The following DNAJC24 variants were observed in gnomAD, a reference collection of about 807,000 sequenced individuals.
DNAJC24 encodes the protein DnaJ heat shock protein family (Hsp40) member C24, also known as dnaJ homolog subfamily C member 24.
DNAJC24 carries 17 observed loss-of-function variants against 18.0 expected under a neutral mutation model. That is an observed-to-expected ratio of 0.94 (90% CI 0.65 to 1.42). DNAJC24 has a LOEUF of 1.42. Among genes scored for constraint, DNAJC24 ranks in the 40% most tolerant of loss-of-function variants. The pLI, the probability that DNAJC24 is intolerant of heterozygous loss-of-function variation, is 0.00. For missense variants in DNAJC24, 158 were observed against 175.6 expected, an observed-to-expected ratio of 0.90 and a Z score of 0.57; for synonymous variants, 55 against 57.7, an observed-to-expected ratio of 0.95 and a Z score of 0.21.
chr11:31,408,009 G>A, intron 2 of DNAJC24: 1 of 438,806 alleles, frequency 2.3e-6, no homozygotes, highest in Non-Finnish European at 4.6e-6. Context: ...TACAAACAGT[G>A]GAATGAAGAA....
chr11:31,412,767 A>G (rs1002954117), intron 2 of DNAJC24, among the ~76,000 whole-genome samples: 1 of 152,194 alleles, frequency 6.6e-6, no homozygotes, highest in African/African-American at 2.4e-5. Context: ...ATGGAAGCCT[A>G]ATCCTCATTG....
At chr11:31,385,146 G>A (rs751875821) in intron 2 of DNAJC24, 1 of 151,882 alleles carries the variant, frequency 6.6e-6, no homozygotes, top group African/African-American at 2.4e-5. Context: ...TCTTCATATC[G>A]GGTTTTTAGA....
chr11:31,370,093 C>G (rs1051014272), intron 1 of DNAJC24, among the ~76,000 whole-genome samples, 181 bp downstream of exon 1: 33 of 152,136 alleles, frequency 2.2e-4, no homozygotes, highest in African/African-American at 7.5e-4. Flanking sequence ...TAGGGTCTCT[C>G]TTCTGGAGCG....
At chr11:31,415,122 A>G (rs1952741624) in intron 3 of DNAJC24, 173 bp downstream of exon 3, 2 of 632,926 alleles carry the variant, frequency 3.2e-6, no homozygotes, top group Admixed American at 3.8e-5. Context: ...ACTATTGTGT[A>G]TCCATTGAGA....
chr11:31,394,246 C>T (rs1027520071), intron 2 of DNAJC24, among the ~76,000 whole-genome samples: 1 of 152,124 alleles, frequency 6.6e-6, no homozygotes, highest in Non-Finnish European at 1.5e-5. Context: ...ACTAAATAGA[C>T]TGTGAAAAGG....
chr11:31,408,862 A>G (rs1057187436), intron 2 of DNAJC24, among the ~76,000 whole-genome samples: 3 of 152,212 alleles, frequency 2.0e-5, no homozygotes, highest in African/African-American at 7.2e-5. Flanking sequence ...GAGTAATAAA[A>G]TAGCACTTTA....
intron 2 of DNAJC24, among the ~76,000 whole-genome samples, chr11:31,395,550 G>T (rs760642758): frequency 9.9e-5 from 15 of 152,092 alleles, no homozygotes; most frequent in Non-Finnish European, 1.8e-4. Flanking sequence ...ACCTTTAAAT[G>T]ATAGTCATTC....
At chr11:31,428,137 ACATAT>A (rs1325290033) in intron 4 of DNAJC24, among the ~76,000 whole-genome samples, 3 of 152,100 alleles carry the variant, frequency 2.0e-5, no homozygotes, top group Non-Finnish European at 4.4e-5. Flanking sequence ...GAAAATGCTA[ACATAT>A]GGAAGGAAAT....
Position 31,432,547 on chromosome 11 carries a change from C to A in DNAJC24, c.*2146C>A, listed in dbSNP as rs772546006. 1 of 1,612,558 alleles carries A rather than the reference C, an allele frequency of 6.2e-7. No individual in the cohort carries two copies. The highest frequency in any genetic ancestry group is 8.5e-7 in the Non-Finnish European group (1 of 1,178,922). ...CCATTAGGGCTGGCACGTAAAAATC[C>A]AAAATCACTCAGAGGCCAAATCTGT... is the stretch of plus-strand genomic sequence containing the variant. On this transcript the variant is annotated 3_prime_UTR_variant, in exon 5 of 5. Transcript: ENST00000465995.
chr11:31,428,010 ATC>A (rs1325781181), intron 4 of DNAJC24: 1 of 150,840 alleles, frequency 6.6e-6, no homozygotes, highest in Non-Finnish European at 1.5e-5. Flanking sequence ...GCAAGACCAC[ATC>A]TCTACAAGAA....
intron 3 of DNAJC24, among the ~76,000 whole-genome samples, chr11:31,421,133 T>G (rs561663925): frequency 6.6e-6 from 1 of 152,300 alleles, no homozygotes; most frequent in East Asian, 1.9e-4. Context: ...AAATGTTGCC[T>G]ATTTCTCAAT....
At chr11:31,414,081 ACTT>A (rs1952733635) in intron 2 of DNAJC24, among the ~76,000 whole-genome samples, 1 of 152,194 alleles carries the variant, frequency 6.6e-6, no homozygotes, top group Non-Finnish European at 1.5e-5. Flanking sequence ...TTGGCATAAA[ACTT>A]CTGGTTTTGA....
chr11:31,376,759 C>T (rs530576795), intron 2 of DNAJC24, among the ~76,000 whole-genome samples: 1 of 152,102 alleles, frequency 6.6e-6, no homozygotes, highest in South Asian at 2.1e-4. Context: ...TTATTTTTTT[C>T]TGGATTTCCA....
At chr11:31,371,910 G>A (rs911690808) in intron 2 of DNAJC24, among the ~76,000 whole-genome samples, 4 of 132,838 alleles carry the variant, frequency 3.0e-5, no homozygotes, top group South Asian at 2.5e-4. Flanking sequence ...TGCAACCTCC[G>A]CCTCCCACTT....
At chr11:31,425,738 C>T (rs1235859062) in intron 3 of DNAJC24, among the ~76,000 whole-genome samples, 1 of 152,132 alleles carries the variant, frequency 6.6e-6, no homozygotes, top group Non-Finnish European at 1.5e-5. Context: ...TGGGTTAGGG[C>T]TTCAACATAT....
chr11:31,414,879 C>G lies in DNAJC24; in HGVS notation c.180C>G (p.Ile60Met). 6.2e-7 allele frequency: 1 copy of G among 1,613,916 alleles called. No individual in the cohort carries two copies. The highest frequency in any genetic ancestry group is 8.5e-7 in the Non-Finnish European group (1 of 1,179,958). The change falls in exon 3 of 5, where the codon ATC becomes ATG. Residue 60 changes from isoleucine (I) to methionine (M), a missense_variant. By Grantham distance (10) the Ile-to-Met change is conservative (BLOSUM62 1). Coordinates refer to ENST00000465995, the MANE Select transcript of DNAJC24 (RefSeq NM_181706.5). The stretch of plus-strand genomic sequence containing the variant: ...TGGAGGAATGTGTACAGAAGTTCAT[C>G]GAAATTGATCAAGCATGGAAAATTC... Reference protein sequence around the residue: ...GTVEECVQKFIEIDQAWKILG... With the variant: ...GTVEECVQKFMEIDQAWKILG...
At chr11:31,403,587 T>A (rs1390281594) in intron 2 of DNAJC24, among the ~76,000 whole-genome samples, 1 of 152,166 alleles carries the variant, frequency 6.6e-6, no homozygotes, top group African/African-American at 2.4e-5. Flanking sequence ...GAATATTAGG[T>A]GTGTCCCATG....
At position 31,430,342 on chromosome 11, in the gene DNAJC24, G is replaced by A. The variant is rs1475898780; in HGVS notation, c.391G>A (p.Val131Ile). The change falls in exon 5 of 5, where the codon GTT (valine) becomes ATT (isoleucine). Residue 131 changes from valine to isoleucine, a missense_variant. Transcript: ENST00000465995. ...TGTTTCCAAGGATGAAGCGGAAGAAGTTAGCCTGATTTCTTGTGATACATG... is the reference window on the plus strand; with the variant it reads ...TGTTTCCAAGGATGAAGCGGAAGAAATTAGCCTGATTTCTTGTGATACATG... Reference protein sequence around the residue: ...YSVSKDEAEEVSLISCDTCSL... With the variant: ...YSVSKDEAEEISLISCDTCSL... The A allele has an allele frequency of 3.7e-6, 6 of 1,611,416 alleles. No homozygotes were observed. In the East Asian group the frequency reaches 1.3e-4, roughly 36 times the overall value.
rs185142159 is a variant in DNAJC24 at position 31,430,456 on chromosome 11, C to T, written c.*55C>T. ...GTGGTATTGAGACATGATGAGAAGC[C>T]GTTGAGCTTTGTCCATTCAAGGAAA... On this transcript the variant is annotated 3_prime_UTR_variant, in exon 5 of 5. Coordinates refer to ENST00000465995, the MANE Select transcript of DNAJC24 (RefSeq NM_181706.5). 1.3e-4 allele frequency: 199 copies of T among 1,487,544 alleles called. No individual in the cohort carries two copies. In the East Asian group the frequency reaches 3.4e-3, roughly 25 times the overall value. 92.1% of individuals were successfully genotyped at this position (1,487,544 alleles called of 1,614,324 possible). A position where few individuals can be genotyped will look rare whatever the true frequency, so the allele number is the denominator to read the frequency against.
Sources: gnomAD v4.1 joint callset for allele counts (sites outside exome capture counted in the v4.1 genomes callset) on GRCh38, gnomAD v4.1.1 for gene constraint, MANE v1.5 for transcripts, NCBI Gene and HGNC (gene_info 2026-07-23, HGNC 2026-07-21) for gene names.